The following EPHA6 variants were observed in gnomAD, a reference collection of about 807,000 sequenced individuals.
The protein encoded by EPHA6 is EPH receptor A6.
EPHA6 carries 50 observed loss-of-function variants against 112.0 expected under a neutral mutation model. The observed-to-expected ratio is 0.45, with a 90% CI of 0.36 to 0.56. The LOEUF (loss-of-function observed/expected upper bound fraction) is 0.56, where lower values mean the gene tolerates loss of function less well. Ranked by LOEUF, EPHA6 falls within the 20% of genes least tolerant of loss-of-function variation. The pLI, the probability that EPHA6 is intolerant of heterozygous loss-of-function variation, is 0.00. For synonymous variants in EPHA6, 529 were observed against 490.7 expected, an observed-to-expected ratio of 1.08 and a Z score of -1.03; for missense variants, 1,280 against 1,417.4, an observed-to-expected ratio of 0.90 and a Z score of 1.56.
At chr3:97,550,423 T>G (rs1038600965) in intron 11 of EPHA6, among the ~76,000 whole-genome samples, 1 of 152,224 alleles carries the variant, frequency 6.6e-6, no homozygotes, top group Non-Finnish European at 1.5e-5. Flanking sequence ...TCCTTTTTTT[T>G]ATTTGTGATC....
intron 10 of EPHA6, among the ~76,000 whole-genome samples, chr3:97,506,746 T>C (rs2092261212): frequency 6.6e-6 from 1 of 152,230 alleles, no homozygotes; most frequent in Admixed American, 6.5e-5. Flanking sequence ...ATTGAATCTA[T>C]AAATTACTTT....
chr3:97,116,909 T>C, intron 3 of EPHA6, among the ~76,000 whole-genome samples: 1 of 151,788 alleles, frequency 6.6e-6, no homozygotes, highest in East Asian at 1.9e-4. Context: ...AAGAATTTCC[T>C]TACCATTTTT....
At chr3:97,560,487 G>A (rs1254210428) in intron 11 of EPHA6, 1 of 152,022 alleles carries the variant, frequency 6.6e-6, no homozygotes, top group African/African-American at 2.4e-5. Context: ...CACATTTCCA[G>A]TGCTCAATAG....
chr3:97,306,188 T>C (rs1311428248), intron 5 of EPHA6, among the ~76,000 whole-genome samples: 1 of 151,826 alleles, frequency 6.6e-6, no homozygotes, highest in African/African-American at 2.4e-5. Context: ...CCCTCTATCA[T>C]GTGTAGGAAG....
intron 1 of EPHA6, among the ~76,000 whole-genome samples, chr3:96,832,560 T>C (rs1382427117): frequency 6.6e-6 from 1 of 152,074 alleles, no homozygotes; most frequent in African/African-American, 2.4e-5. Flanking sequence ...TTTCAGTACA[T>C]TCAAAATACT....
chr3:97,617,203 G>C (rs1006560458), intron 13 of EPHA6, among the ~76,000 whole-genome samples: 1 of 151,938 alleles, frequency 6.6e-6, no homozygotes, highest in Non-Finnish European at 1.5e-5. Context: ...AGGGAAATAA[G>C]GTCCTTTTCA....
chr3:96,994,759 A>AGAGAGAGAGAGAGAGAGAGAGC (rs763682996), intron 3 of EPHA6, among the ~76,000 whole-genome samples: 1,198 of 115,650 alleles, frequency 0.01, 24 homozygotes, highest in Non-Finnish European at 0.017. Flanking sequence ...AGAGAGAGAG[A>AGAGAGAGAGAGAGAGAGAGAGC]GAGCTATATA....
chr3:97,709,176 A>C (rs2033838260), intron 14 of EPHA6, among the ~76,000 whole-genome samples: 2 of 148,758 alleles, frequency 1.3e-5, no homozygotes. Context: ...AAAAAAAGCC[A>C]CAGGCACTCA....
chr3:97,525,873 G>T (rs2092611777), intron 10 of EPHA6, among the ~76,000 whole-genome samples: 1 of 152,144 alleles, frequency 6.6e-6, no homozygotes, highest in South Asian at 2.1e-4. Context: ...TCTGCTTCAG[G>T]ATTCACAGAT....
intron 3 of EPHA6, among the ~76,000 whole-genome samples, chr3:97,078,578 G>T (rs1390674415): frequency 1.3e-5 from 2 of 152,128 alleles, no homozygotes; most frequent in East Asian, 1.9e-4. Flanking sequence ...TATATAAGGT[G>T]TAAGGAAGGG....
chr3:96,852,274 A>G (rs768681185), intron 1 of EPHA6, among the ~76,000 whole-genome samples: 4 of 151,964 alleles, frequency 2.6e-5, no homozygotes, highest in Admixed American at 6.6e-5. Flanking sequence ...TGGGCGGATC[A>G]CTTAAGGCCA....
chr3:97,237,432 T>G (rs543735241), intron 4 of EPHA6, among the ~76,000 whole-genome samples: 100 of 152,132 alleles, frequency 6.6e-4, no homozygotes, highest in African/African-American at 2.3e-3. Context: ...AGAGGTTCTT[T>G]TATCAAATAA....
At chr3:97,556,594 A>C (rs979211900) in intron 11 of EPHA6, among the ~76,000 whole-genome samples, 1 of 152,026 alleles carries the variant, frequency 6.6e-6, no homozygotes, top group Non-Finnish European at 1.5e-5. Context: ...TCCATGATTC[A>C]ATTACCTCCA....
intron 10 of EPHA6, among the ~76,000 whole-genome samples, chr3:97,523,606 C>T (rs933098469): frequency 5.3e-5 from 8 of 151,888 alleles, no homozygotes; most frequent in Middle Eastern, 3.2e-3. Context: ...AACTATCCAT[C>T]GTTGAAAGTG....
chr3:97,596,164 C>G (rs1436075196), intron 12 of EPHA6, among the ~76,000 whole-genome samples: 1 of 152,146 alleles, frequency 6.6e-6, no homozygotes. Flanking sequence ...CTCTGCCTCC[C>G]AAAGTGCTGG....
chr3:96,990,037 A>ACAT (rs2043158804), intron 3 of EPHA6, among the ~76,000 whole-genome samples: 1 of 152,206 alleles, frequency 6.6e-6, no homozygotes, highest in South Asian at 2.1e-4. Flanking sequence ...TGTAATAATC[A>ACAT]CATCAGTTTT....
intron 3 of EPHA6, among the ~76,000 whole-genome samples, chr3:97,081,653 C>T (rs941925481): frequency 6.6e-6 from 1 of 151,578 alleles, no homozygotes; most frequent in Admixed American, 6.6e-5. Context: ...CATTTCTATT[C>T]TAAGGATATA....
At position 97,183,627 on chromosome 3, in the gene EPHA6, A is replaced by C. The variant is rs180949171; in HGVS notation, c.1115-42637A>C. 2.5e-3 allele frequency among the ~76,000 whole-genome samples: 382 copies of C among 152,238 alleles called. 3 individuals are homozygous for C. The highest frequency in any genetic ancestry group is 8.8e-3 in the African/African-American group (367 of 41,572). Reference sequence around the variant, plus strand: ...AATATCTCATGTTTTCTTTAATTAAATTAAACATAATGGCCTCACTTTATA... The same window carrying C: ...AATATCTCATGTTTTCTTTAATTAACTTAAACATAATGGCCTCACTTTATA... On this transcript the variant is annotated intron_variant, in intron 3 of 17. Coordinates refer to ENST00000389672, the MANE Select transcript of EPHA6 (RefSeq NM_001080448.3).
intron 3 of EPHA6, among the ~76,000 whole-genome samples, chr3:97,156,528 A>G (rs2076293137): frequency 6.6e-6 from 1 of 152,174 alleles, no homozygotes; most frequent in Non-Finnish European, 1.5e-5. Flanking sequence ...AGAATATCAG[A>G]GATACAATGA....
Sources: gnomAD v4.1 joint callset for allele counts (sites outside exome capture counted in the v4.1 genomes callset) on GRCh38, gnomAD v4.1.1 for gene constraint, MANE v1.5 for transcripts, NCBI Gene and HGNC (gene_info 2026-07-23, HGNC 2026-07-21) for gene names.